DEUP1: variants seen among roughly 807,000 people sequenced by gnomAD.
DEUP1 encodes coiled-coil domain containing 67.
Under a neutral mutation model 87.4 loss-of-function variants are expected in DEUP1, and 82 were observed. The ratio of observed to expected loss-of-function variants is 0.94; its 90% CI spans 0.78 to 1.13. The LOEUF (loss-of-function observed/expected upper bound fraction) is 1.13, where lower values mean the gene tolerates loss of function less well. DEUP1 is among the 50% of genes most tolerant of loss of function. The pLI, the probability that DEUP1 is intolerant of heterozygous loss-of-function variation, is 0.00. For synonymous variants in DEUP1, 214 were observed against 222.7 expected, an observed-to-expected ratio of 0.96 and a Z score of 0.35; for missense variants, 663 against 681.5, an observed-to-expected ratio of 0.97 and a Z score of 0.30.
intron 13 of DEUP1, among the ~76,000 whole-genome samples, chr11:93,428,266 T>G (rs1277332069): frequency 6.6e-6 from 1 of 151,690 alleles, no homozygotes; most frequent in African/African-American, 2.4e-5. Flanking sequence ...TATGCAGCCA[T>G]AAAAAATGAT....
intron 9 of DEUP1, among the ~76,000 whole-genome samples, chr11:93,391,232 T>G (rs1307290314): frequency 6.6e-6 from 1 of 152,242 alleles, no homozygotes; most frequent in Non-Finnish European, 1.5e-5. Flanking sequence ...CCATTTATTT[T>G]GTGATAACAT....
intron 2 of DEUP1, among the ~76,000 whole-genome samples, chr11:93,336,657 ACCTGGTGTTCCCCAAC>A (rs1943781914): frequency 1.3e-5 from 2 of 152,124 alleles, no homozygotes; most frequent in Non-Finnish European, 2.9e-5. Context: ...CATCTACTGT[ACCTGGTGTTCCCCAAC>A]CCCAGTCCAG....
At chr11:93,356,879 T>C in intron 3 of DEUP1, 69 bp from the exon 4 acceptor site, 1 of 933,498 alleles carries the variant, frequency 1.1e-6, no homozygotes. Flanking sequence ...GTTCTTCTCT[T>C]TTGCACATTT....
chr11:93,410,041 T>C (rs1947391134), intron 12 of DEUP1, among the ~76,000 whole-genome samples: 1 of 151,886 alleles, frequency 6.6e-6, no homozygotes, highest in Admixed American at 6.6e-5. Flanking sequence ...CGTAGGTCCA[T>C]GGGATATATT....
upstream of DEUP1, chr11:93,330,079 G>C (rs1246790642): frequency 6.6e-6 from 1 of 152,224 alleles, no homozygotes; most frequent in Non-Finnish European, 1.5e-5. Flanking sequence ...CATCGCGCTT[G>C]ACGGGAAAGT....
chr11:93,361,032 A>G (rs1320112479), intron 4 of DEUP1, among the ~76,000 whole-genome samples: 1 of 152,162 alleles, frequency 6.6e-6, no homozygotes. Context: ...AAGACAAAGA[A>G]AAAAATCTTG....
intron 13 of DEUP1, among the ~76,000 whole-genome samples, chr11:93,435,309 A>G (rs1251840021): frequency 6.6e-6 from 1 of 152,120 alleles, no homozygotes; most frequent in East Asian, 1.9e-4. Flanking sequence ...TTCAACAGCA[A>G]TAGCAGCTGG....
intron 8 of DEUP1, 74 bp from the exon 9 acceptor site, chr11:93,388,946 A>T (rs1946678345): frequency 1.1e-6 from 1 of 875,230 alleles, no homozygotes; most frequent in African/African-American, 1.7e-5. Flanking sequence ...GTAATGGTCT[A>T]AATTAACAAT....
rs1945700742 is a variant in DEUP1 at position 93,371,122 on chromosome 11, T to G, written c.631T>G (p.Cys211Gly). 6.2e-7 allele frequency: 1 copy of G among 1,613,108 alleles called. No homozygotes were observed. Among genetic ancestry groups the G allele is most frequent in the Admixed American group, 1.7e-5 (1 of 59,918 alleles). The change falls in exon 7 of 14, where the codon TGT becomes GGT. Residue 211 changes from cysteine to glycine, a missense_variant. Transcript: ENST00000298050. ...DSSSEIPRLI[C>G]DPDPNCEINE... ...CAGCTCTGAAATTCCTCGTTTGATA[T>G]GTGACCCAGATCCCAATTGTGAAAT...
chr11:93,418,698 C>T (rs1170015519), intron 13 of DEUP1, among the ~76,000 whole-genome samples: 17 of 151,924 alleles, frequency 1.1e-4, no homozygotes, highest in African/African-American at 2.2e-4. Context: ...ACCCAAAGGA[C>T]TATAAATCAT....
chr11:93,342,601 T>TGAAA (rs1409492436), intron 2 of DEUP1, among the ~76,000 whole-genome samples: 1 of 152,186 alleles, frequency 6.6e-6, no homozygotes, highest in Non-Finnish European at 1.5e-5. Flanking sequence ...ATAGGACAGA[T>TGAAA]TTTGTTACAT....
At position 93,437,986 on chromosome 11, in the gene DEUP1, G is replaced by T; in HGVS notation, c.*267G>T. 5 of 247,330 alleles carry T rather than the reference G, an allele frequency of 2.0e-5. No homozygotes were observed. Among genetic ancestry groups the T allele is most frequent in the East Asian group, 1.2e-4 (1 of 8,330 alleles). The allele number at this position is 247,330 out of a possible 1,614,324, so 15.3% of individuals were successfully genotyped here. A position where few individuals can be genotyped will look rare whatever the true frequency, so the allele number is the denominator to read the frequency against. On this transcript the variant is annotated 3_prime_UTR_variant, in exon 14 of 14. Transcript: ENST00000298050. ...CAAAAGAGATTTTTTTCCAGTCTAA[G>T]GAATATTTTGGAATCAAATATGCAG... is the stretch of plus-strand genomic sequence containing the variant.
intron 5 of DEUP1, among the ~76,000 whole-genome samples, chr11:93,367,900 G>C (rs1945502939): frequency 6.6e-6 from 1 of 152,136 alleles, no homozygotes; most frequent in African/African-American, 2.4e-5. Flanking sequence ...AATATAAGTG[G>C]CACCTGGCAC....
At chr11:93,367,647 C>T (rs1378959444) in intron 5 of DEUP1, among the ~76,000 whole-genome samples, 1 of 151,900 alleles carries the variant, frequency 6.6e-6, no homozygotes, top group Non-Finnish European at 1.5e-5. Flanking sequence ...TGAAATAGTT[C>T]CAGATTTTCT....
At chr11:93,429,466 G>A (rs980117954) in intron 13 of DEUP1, among the ~76,000 whole-genome samples, 1 of 152,178 alleles carries the variant, frequency 6.6e-6, no homozygotes, top group South Asian at 2.1e-4. Flanking sequence ...ATACTCCACT[G>A]TGCTAGTGTC....
chr11:93,430,097 T>C (rs1166329367), intron 13 of DEUP1, among the ~76,000 whole-genome samples: 1 of 152,190 alleles, frequency 6.6e-6, no homozygotes, highest in Non-Finnish European at 1.5e-5. Flanking sequence ...GATACTCTTA[T>C]GTTCTCTGGC....
chr11:93,420,720 G>A (rs1463194816), intron 13 of DEUP1, among the ~76,000 whole-genome samples: 1 of 138,796 alleles, frequency 7.2e-6, no homozygotes, highest in Non-Finnish European at 1.5e-5. Context: ...CAAACTCTCA[G>A]GATACAAAAT....
At chr11:93,392,179 T>C (rs544719505) in intron 9 of DEUP1, among the ~76,000 whole-genome samples, 11 of 152,298 alleles carry the variant, frequency 7.2e-5, no homozygotes, top group Non-Finnish European at 1.3e-4. Flanking sequence ...TTTTCTGATC[T>C]CACTCTAGGT....
rs138161005 is a variant in DEUP1, at chr11:93,338,373, A to C, written c.29+6085A>C. 4.7e-4 allele frequency among the ~76,000 whole-genome samples: 71 copies of C among 151,126 alleles called. 1 individual carries two copies. In the East Asian group the frequency reaches 0.012, roughly 26 times the overall value. On this transcript the variant is annotated intron_variant, in intron 2 of 13. Coordinates refer to ENST00000298050, the MANE Select transcript of DEUP1 (RefSeq NM_181645.4). ...TCTGTCACACCACAGGGACAAGCAC[A>C]GTGCCTGACATAGGGTAATTATGCA... is the stretch of plus-strand genomic sequence containing the variant.
Sources: allele counts gnomAD v4.1 joint callset (sites outside exome capture counted in the v4.1 genomes callset), GRCh38; gene constraint gnomAD v4.1.1; transcripts MANE v1.5; gene names NCBI Gene and HGNC (gene_info 2026-07-23, HGNC 2026-07-21).